Variants in TECRL observed in about 807,000 individuals in gnomAD.
TECRL encodes trans-2,3-enoyl-CoA reductase-like.
A neutral mutation model predicts 52.8 loss-of-function variants in TECRL; 63 were observed. That is an observed-to-expected ratio of 1.19 (90% CI 0.97 to 1.47). The LOEUF (loss-of-function observed/expected upper bound fraction) is 1.47. Ranked by LOEUF, TECRL falls within the 40% of genes most tolerant of loss-of-function variation. The pLI is 0.00. For missense variants in TECRL, 482 were observed against 429.6 expected, an observed-to-expected ratio of 1.12 and a Z score of -1.08; for synonymous variants, 164 against 141.9, an observed-to-expected ratio of 1.16 and a Z score of -1.10.
At position 64,409,340 on chromosome 4, in the gene TECRL, C is replaced by A. The variant is rs867978042; in HGVS notation, c.12G>T (p.Arg4Ser). ...TGCGTTCCGAAGCGAGGGACTTGTG[C>A]CTTTTGAACATTGTGTGAACTAAGA... is the stretch of plus-strand genomic sequence containing the variant. Reference protein sequence around the residue: MFKRHKSLASERKR... With the variant: MFKSHKSLASERKR... Residue 4 changes from arginine (R) to serine (S), a missense_variant, in exon 1 of 12, where the codon AGG becomes AGT. Transcript: ENST00000381210. The A allele has an allele frequency of 2.5e-5, 41 of 1,612,830 alleles. No individual in the cohort carries two copies. Among genetic ancestry groups the A allele is most frequent in the Non-Finnish European group, 3.4e-5 (40 of 1,179,172 alleles).
chr4:64,325,172 C>T (rs1355254912), intron 3 of TECRL, among the ~76,000 whole-genome samples: 3 of 152,090 alleles, frequency 2.0e-5, no homozygotes, highest in East Asian at 1.9e-4. Flanking sequence ...GAAGTGACAG[C>T]CAGCAAGAAC....
intron 2 of TECRL, among the ~76,000 whole-genome samples, chr4:64,369,363 A>G (rs747594636): frequency 6.6e-6 from 1 of 152,172 alleles, no homozygotes; most frequent in Non-Finnish European, 1.5e-5. Context: ...TTACACTGCC[A>G]TATGACCTTA....
At chr4:64,299,080 CT>C (rs1301316632) in intron 8 of TECRL, 1 of 151,006 alleles carries the variant, frequency 6.6e-6, no homozygotes, top group Non-Finnish European at 1.5e-5. Context: ...TGAGTTCTTG[CT>C]AGGCCAAACT....
At chr4:64,322,645 G>A in intron 4 of TECRL, 44 bp downstream of exon 4, 1 of 1,362,984 alleles carries the variant, frequency 7.3e-7, no homozygotes, top group South Asian at 1.4e-5. Context: ...ATTATTTAGA[G>A]CAAAATATGA....
At chr4:64,388,802 C>G (rs1483436309) in intron 1 of TECRL, among the ~76,000 whole-genome samples, 1 of 151,490 alleles carries the variant, frequency 6.6e-6, no homozygotes, top group Non-Finnish European at 1.5e-5. Flanking sequence ...TACATAAATA[C>G]AAATAAATAA....
intron 1 of TECRL, among the ~76,000 whole-genome samples, chr4:64,398,457 G>T (rs1359388327): frequency 2.0e-5 from 3 of 152,066 alleles, no homozygotes; most frequent in Admixed American, 1.3e-4. Context: ...GTTGTTTAAA[G>T]GTGTGTCACA....
chr4:64,372,678 G>A (rs1199083009), intron 2 of TECRL, among the ~76,000 whole-genome samples: 2 of 151,266 alleles, frequency 1.3e-5, no homozygotes, highest in Non-Finnish European at 3.0e-5. Flanking sequence ...TAATCAAAAC[G>A]AGAACAAAAG....
At chr4:64,299,008 A>G (rs540423861) in intron 8 of TECRL, 1 of 151,274 alleles carries the variant, frequency 6.6e-6, no homozygotes, top group Non-Finnish European at 1.5e-5. Context: ...ATATATTTTC[A>G]ACATATTGTT....
chr4:64,313,615 G>T (rs1393314737), intron 5 of TECRL, among the ~76,000 whole-genome samples: 1 of 149,860 alleles, frequency 6.7e-6, no homozygotes. Flanking sequence ...CCGAGTAGCT[G>T]GGACTACAGG....
In TECRL at chr4:64,378,891, C is replaced by T. The variant is rs1479266401; in HGVS notation, c.235-3668G>A. Among the ~76,000 whole-genome samples, 3 of 9,684 alleles carry T rather than the reference C, an allele frequency of 3.1e-4. No individual in the cohort carries two copies. The Non-Finnish European group carries it at 3.9e-3, about 13-fold the overall frequency. The allele number at this position is 9,684 out of a possible 152,430, so 6.4% of individuals were successfully genotyped here. A position where few individuals can be genotyped will look rare whatever the true frequency, so the allele number is the denominator to read the frequency against. On this transcript the variant is annotated intron_variant, in intron 1 of 11. Coordinates refer to ENST00000381210, the MANE Select transcript of TECRL (RefSeq NM_001010874.5). ...GAAATTGAAATGTTTTATATTGTAT[C>T]AATTTTGTTTATAAACTAAATTATT...
At chr4:64,338,446 C>T (rs1719291944) in intron 2 of TECRL, among the ~76,000 whole-genome samples, 1 of 152,142 alleles carries the variant, frequency 6.6e-6, no homozygotes, top group African/African-American at 2.4e-5. Context: ...TCTAATTAAA[C>T]TCAAGAGCTT....
At chr4:64,339,975 C>T (rs1450765220) in intron 2 of TECRL, among the ~76,000 whole-genome samples, 1 of 152,190 alleles carries the variant, frequency 6.6e-6, no homozygotes. Flanking sequence ...CCTCTTCTCT[C>T]TTGGTCTCAC....
At chr4:64,390,085 C>T (rs183967554) in intron 1 of TECRL, among the ~76,000 whole-genome samples, 43 of 151,884 alleles carry the variant, frequency 2.8e-4, no homozygotes, top group African/African-American at 9.6e-4. Flanking sequence ...AGTTTTGTCC[C>T]GGTATTTGCC....
At chr4:64,314,820 T>C in intron 4 of TECRL, 57 bp from the exon 5 acceptor site, 1 of 1,256,436 alleles carries the variant, frequency 8.0e-7, no homozygotes, top group Non-Finnish European at 1.2e-6. Context: ...TTAAGGTTCA[T>C]TTGTGTCTAT....
intron 2 of TECRL, among the ~76,000 whole-genome samples, chr4:64,338,827 T>C (rs527691267): frequency 9.9e-5 from 15 of 152,190 alleles, no homozygotes; most frequent in African/African-American, 3.6e-4. Flanking sequence ...ACTTTTACAC[T>C]GTTGGTAGGA....
rs149645535 is a variant in TECRL at position 64,407,410 on chromosome 4, C to T, written c.234+1708G>A. Among the ~76,000 whole-genome samples the T allele has an allele frequency of 4.2e-3, 639 of 151,748 alleles. 4 individuals carry two copies. The highest frequency in any genetic ancestry group is 5.6e-3 in the Non-Finnish European group (383 of 67,830). On this transcript the variant is annotated intron_variant, in intron 1 of 11. Coordinates refer to ENST00000381210, the MANE Select transcript of TECRL (RefSeq NM_001010874.5). Reference sequence around the variant, plus strand: ...TTAACACGTAAAAATATAAAAATCCCTGTCTTACCTTCAAATAAAATATGA... The same window carrying T: ...TTAACACGTAAAAATATAAAAATCCTTGTCTTACCTTCAAATAAAATATGA...
intron 1 of TECRL, among the ~76,000 whole-genome samples, chr4:64,400,597 G>A (rs1994142): frequency 0.64 from 97,606 of 151,900 alleles, 32,580 homozygotes; most frequent in Non-Finnish European, 0.74. Context: ...GGCCTGGTGG[G>A]AAGTGATTGG....
rs116429374 is a variant in TECRL at position 64,319,513 on chromosome 4, G to A, written c.435+3176C>T. Among the ~76,000 whole-genome samples, 23 of 151,864 alleles carry A rather than the reference G, an allele frequency of 1.5e-4. 1 individual carries two copies. The South Asian group carries it at 3.1e-3, about 21-fold the overall frequency. On this transcript the variant is annotated intron_variant, in intron 4 of 11. Coordinates refer to ENST00000381210, the MANE Select transcript of TECRL (RefSeq NM_001010874.5). ...AAAAGTTCTGCTAAGATGATGAAAA[G>A]ACAAGTTAAAGAAGGAGAGAAAATA...
At chr4:64,352,207 C>A (rs1389250930) in intron 2 of TECRL, among the ~76,000 whole-genome samples, 2 of 152,022 alleles carry the variant, frequency 1.3e-5, no homozygotes, top group African/African-American at 4.8e-5. Flanking sequence ...AACAGACACA[C>A]AAAAAATTCA....
Sources: allele counts gnomAD v4.1 joint callset (sites outside exome capture counted in the v4.1 genomes callset), GRCh38; gene constraint gnomAD v4.1.1; transcripts MANE v1.5; gene names NCBI Gene and HGNC (gene_info 2026-07-23, HGNC 2026-07-21).